QSOX1: variants seen among roughly 807,000 people sequenced by gnomAD.
QSOX1 encodes sulfhydryl oxidase 1.
In QSOX1, 40 loss-of-function variants were observed where a neutral mutation model predicts 76.1. The ratio of observed to expected loss-of-function variants is 0.53; its 90% confidence interval spans 0.41 to 0.68. QSOX1 has a LOEUF of 0.68. Ranked by LOEUF, QSOX1 falls within the 30% of genes least tolerant of loss-of-function variation. The pLI is 0.00. For missense variants in QSOX1, 931 were observed against 974.3 expected (o/e 0.96, Z 0.59); for synonymous variants, 392 against 413.1 (o/e 0.95, Z 0.62).
rs554926366 is a variant in QSOX1, at chr1:180,203,324, T to C, written c.*6287T>C. ...GTCTAGAAAAATACACACTGAACTGTGAATAGCAGTTATATTTAGAAAGCA... is the reference window on the plus strand; with the variant it reads ...GTCTAGAAAAATACACACTGAACTGCGAATAGCAGTTATATTTAGAAAGCA... On this transcript the variant is annotated 3_prime_UTR_variant, in exon 12 of 12. Coordinates refer to ENST00000367602, the MANE Select transcript of QSOX1 (RefSeq NM_002826.5). The C allele has an allele frequency of 4.4e-4, 67 of 152,230 alleles. No homozygotes were observed. The highest frequency in any genetic ancestry group is 1.5e-3 in the African/African-American group (62 of 41,540). 9.4% of individuals were successfully genotyped at this position (152,230 alleles called of 1,614,324 possible).
In QSOX1 at chr1:180,202,242, G is replaced by C. The variant is rs1328639648; in HGVS notation, c.*5205G>C. ...AGGGTGAGATCCTCCTGATAGTGCT[G>C]GTAGCTCCAGCTGCTGCTTTGGCAA... is the stretch of plus-strand genomic sequence containing the variant. On this transcript the variant is annotated 3_prime_UTR_variant, in exon 12 of 12. Coordinates refer to ENST00000367602, the MANE Select transcript of QSOX1 (RefSeq NM_002826.5). The C allele has an allele frequency of 6.6e-6, 1 of 152,310 alleles. No individual in the cohort carries two copies. Among genetic ancestry groups the C allele is most frequent in the African/African-American group, 2.4e-5 (1 of 41,446 alleles). 9.4% of individuals were successfully genotyped at this position (152,310 alleles called of 1,614,324 possible).
Position 180,197,545 on chromosome 1 carries a change from C to T in QSOX1, c.*508C>T. 2.7e-6 allele frequency: 2 copies of T among 738,728 alleles called. No homozygotes were observed. Among genetic ancestry groups the T allele is most frequent in the Non-Finnish European group, 4.3e-6 (2 of 460,338 alleles). 45.8% of individuals were successfully genotyped at this position (738,728 alleles called of 1,614,324 possible). ...CTGGGAGGAAGGACCACCCCGGGCC[C>T]TCTATGCCTGGCCAGCCTCCAGCTC... On this transcript the variant is annotated 3_prime_UTR_variant, in exon 12 of 12. Coordinates refer to ENST00000367602, the MANE Select transcript of QSOX1 (RefSeq NM_002826.5).
intron 8 of QSOX1, among the ~76,000 whole-genome samples, chr1:180,186,744 A>G (rs532438571): frequency 6.6e-6 from 1 of 151,992 alleles, no homozygotes; most frequent in Non-Finnish European, 1.5e-5. Flanking sequence ...CCTTTTAACT[A>G]CTCTGCGAGG....
rs185803626 is a variant in QSOX1, at chr1:180,192,560, G to A, written c.1289-1653G>A. On this transcript the variant is annotated intron_variant, in intron 10 of 11. Coordinates refer to ENST00000367602, the MANE Select transcript of QSOX1 (RefSeq NM_002826.5). The stretch of plus-strand genomic sequence containing the variant: ...GGGGATATGTTAAAGGCAGAGCTGA[G>A]GGACTTACTGATAGATTGGAGGAAG... Among the ~76,000 whole-genome samples the A allele has an allele frequency of 2.6e-5, 4 of 152,302 alleles. No individual in the cohort carries two copies. In the East Asian group the frequency reaches 7.7e-4, roughly 29 times the overall value.
chr1:180,194,543 C>T (rs913613210), intron 11 of QSOX1, 151 bp downstream of exon 11: 1 of 711,930 alleles, frequency 1.4e-6, no homozygotes, highest in Non-Finnish European at 2.2e-6. Flanking sequence ...GTATCATCAG[C>T]CCCATTTTTG....
chr1:180,180,354 G>T (rs1662999856), intron 5 of QSOX1, among the ~76,000 whole-genome samples: 1 of 152,032 alleles, frequency 6.6e-6, no homozygotes, highest in Non-Finnish European at 1.5e-5. Flanking sequence ...GGGATTACAG[G>T]CATGCACCAC....
chr1:180,168,325 C>T (rs1662679771), intron 2 of QSOX1, among the ~76,000 whole-genome samples: 1 of 151,500 alleles, frequency 6.6e-6, no homozygotes, highest in Non-Finnish European at 1.5e-5. Context: ...TCCAGACGGG[C>T]AGCACCTGGC....
chr1:180,164,122 G>T (rs1337951485), intron 1 of QSOX1, among the ~76,000 whole-genome samples: 1 of 152,194 alleles, frequency 6.6e-6, no homozygotes, highest in Non-Finnish European at 1.5e-5. Context: ...GGGGCAGAGG[G>T]ATTGCATCCT....
chr1:180,172,409 G>A (rs1662783365), intron 2 of QSOX1, among the ~76,000 whole-genome samples: 1 of 152,160 alleles, frequency 6.6e-6, no homozygotes, highest in Admixed American at 6.5e-5. Context: ...TGCATCCTGG[G>A]GAGAGGCTCT....
chr1:180,183,037 GCCA>G (rs1028993562), intron 6 of QSOX1, among the ~76,000 whole-genome samples: 1 of 152,204 alleles, frequency 6.6e-6, no homozygotes, highest in African/African-American at 2.4e-5. Context: ...GAGGTGCGAT[GCCA>G]CCAAGGACAG....
In QSOX1 at chr1:180,155,325, T is replaced by C. The variant is rs1489581221; in HGVS notation, c.265+153T>C. 2.0e-5 allele frequency among the ~76,000 whole-genome samples: 3 copies of C among 151,980 alleles called. No individual in the cohort carries two copies. In the East Asian group the frequency reaches 5.8e-4, roughly 29 times the overall value. ...GCGCATCCCACGCCCACCACCTTCATGTTTCTCAGCTCCATTTTTGCCTCC... is the reference window on the plus strand; with the variant it reads ...GCGCATCCCACGCCCACCACCTTCACGTTTCTCAGCTCCATTTTTGCCTCC... On this transcript the variant is annotated intron_variant, in intron 1 of 11. Coordinates refer to ENST00000367602, the MANE Select transcript of QSOX1 (RefSeq NM_002826.5).
At chr1:180,165,066 A>G (rs759457576) in intron 1 of QSOX1, among the ~76,000 whole-genome samples, 1 of 152,196 alleles carries the variant, frequency 6.6e-6, no homozygotes, top group Admixed American at 6.5e-5. Flanking sequence ...TCACTACCTA[A>G]TCTAATACCT....
In QSOX1 at chr1:180,154,960, T is replaced by G. The variant is rs774355860; in HGVS notation, c.53T>G (p.Leu18Arg). The G allele has an allele frequency of 1.3e-4, 190 of 1,501,230 alleles. 1 individual carries two copies. In the African/African-American group the frequency reaches 2.5e-3, roughly 20 times the overall value. The allele number at this position is 1,501,230 out of a possible 1,614,324, so 93.0% of individuals were successfully genotyped here. A position where few individuals can be genotyped will look rare whatever the true frequency, so the allele number is the denominator to read the frequency against. ...SGPPPSLLLL[L>R]LWLLAVPGAN... Reference sequence around the variant, plus strand: ...CCGCCGCCGTCGCTGCTGCTGCTGCTGCTGTGGCTGCTCGCGGTTCCCGGC... The same window carrying G: ...CCGCCGCCGTCGCTGCTGCTGCTGCGGCTGTGGCTGCTCGCGGTTCCCGGC... Residue 18 changes from leucine (L) to arginine (R), a missense_variant, in exon 1 of 12, where the codon CTG becomes CGG. Transcript: ENST00000367602.
chr1:180,162,477 G>A (rs1318079251), intron 1 of QSOX1, among the ~76,000 whole-genome samples: 3 of 151,730 alleles, frequency 2.0e-5, no homozygotes, highest in South Asian at 4.1e-4. Flanking sequence ...GGCTCATGAC[G>A]GTAATCCCAA....
chr1:180,187,176 CT>C (rs1325416911), intron 8 of QSOX1, among the ~76,000 whole-genome samples: 1 of 152,220 alleles, frequency 6.6e-6, no homozygotes, highest in Non-Finnish European at 1.5e-5. Flanking sequence ...TCCTGGCCCC[CT>C]GGCTTGGTCA....
At chr1:180,174,837 C>T (rs1467888411) in intron 2 of QSOX1, among the ~76,000 whole-genome samples, 6 of 152,042 alleles carry the variant, frequency 3.9e-5, no homozygotes, top group Non-Finnish European at 8.8e-5. Flanking sequence ...GCAACCTCCC[C>T]CCAACTCCCC....
In QSOX1 at chr1:180,197,371, G is replaced by A. The variant is rs199688952; in HGVS notation, c.*334G>A. On this transcript the variant is annotated 3_prime_UTR_variant, in exon 12 of 12. Transcript: ENST00000367602. ...CTGCCTCATTCTCACTGGAGCCTCAGTCTCTCCTGCTTGGTCTTGGCCCTC... is the reference window on the plus strand; with the variant it reads ...CTGCCTCATTCTCACTGGAGCCTCAATCTCTCCTGCTTGGTCTTGGCCCTC... 20 of 1,613,842 alleles carry A rather than the reference G, an allele frequency of 1.2e-5. No homozygotes were observed. In the East Asian group the frequency reaches 4.2e-4, roughly 34 times the overall value.
chr1:180,199,461 CAAG>C lies in QSOX1; in HGVS notation c.*2425_*2427del, dbSNP rs1282008171. The C allele has an allele frequency of 6.6e-6, 1 of 152,044 alleles. No homozygotes were observed. The highest frequency in any genetic ancestry group is 2.4e-5 in the African/African-American group (1 of 41,360). 9.4% of individuals were successfully genotyped at this position (152,044 alleles called of 1,614,324 possible). A position where few individuals can be genotyped will look rare whatever the true frequency, so the allele number is the denominator to read the frequency against. ...ACTGGGGGCACAGGAACAATTTCCT[CAAG>C]GAGACAGTGGCATGGAGCTTTGAAA... On this transcript the variant is annotated 3_prime_UTR_variant, in exon 12 of 12. Coordinates refer to ENST00000367602, the MANE Select transcript of QSOX1 (RefSeq NM_002826.5).
At chr1:180,167,275 T>G (rs1170809094) in intron 2 of QSOX1, among the ~76,000 whole-genome samples, 1 of 152,244 alleles carries the variant, frequency 6.6e-6, no homozygotes, top group Admixed American at 6.5e-5. Flanking sequence ...CAATTAGTTT[T>G]CTTCCAGATT....
Sources: gnomAD v4.1 joint callset for allele counts (sites outside exome capture counted in the v4.1 genomes callset) on GRCh38, gnomAD v4.1.1 for gene constraint, MANE v1.5 for transcripts, NCBI Gene and HGNC (gene_info 2026-07-23, HGNC 2026-07-21) for gene names.